The following ME3 variants were observed in gnomAD, a reference collection of about 807,000 sequenced individuals.
ME3 encodes the protein malic enzyme 3, also known as NADP-dependent malic enzyme, mitochondrial.
ME3 carries 48 observed loss-of-function variants against 68.9 expected under a neutral mutation model. The observed-to-expected ratio is 0.70, with a 90% CI of 0.55 to 0.89. The LOEUF (loss-of-function observed/expected upper bound fraction) is 0.89. Ranked by LOEUF, ME3 falls within the 40% of genes least tolerant of loss-of-function variation. The probability of loss-of-function intolerance (pLI) is 0.00; values close to 1 mark genes in which losing one functional copy is unlikely to be tolerated. For synonymous variants in ME3, 320 were observed against 318.8 expected, an observed-to-expected ratio of 1.00 and a Z score of -0.04; for missense variants, 675 against 797.4, an observed-to-expected ratio of 0.85 and a Z score of 1.85.
At chr11:86,471,132 G>A (rs1171225833) in intron 7 of ME3, among the ~76,000 whole-genome samples, 2 of 144,514 alleles carry the variant, frequency 1.4e-5, no homozygotes, top group African/African-American at 5.3e-5. Flanking sequence ...TAAACTGTAA[G>A]GCCCAGAGCT....
chr11:86,448,543 C>A (rs1302035471), intron 10 of ME3, among the ~76,000 whole-genome samples: 2 of 152,116 alleles, frequency 1.3e-5, no homozygotes, highest in South Asian at 4.1e-4. Context: ...GCTTCCTGGG[C>A]CAGGACAGAA....
chr11:86,593,692 C>A (rs1336900891), intron 2 of ME3, among the ~76,000 whole-genome samples: 1 of 146,516 alleles, frequency 6.8e-6, no homozygotes, highest in Admixed American at 7.3e-5. Context: ...TTCTTCCTAT[C>A]TTTTTTCTAT....
At chr11:86,655,379 G>C (rs1207292331) in intron 2 of ME3, among the ~76,000 whole-genome samples, 1 of 152,152 alleles carries the variant, frequency 6.6e-6, no homozygotes, top group Admixed American at 6.5e-5. Context: ...AAAACAGCAT[G>C]GTACTGGTAC....
intron 4 of ME3, among the ~76,000 whole-genome samples, chr11:86,515,037 G>C (rs902740388): frequency 2.0e-5 from 3 of 152,196 alleles, no homozygotes; most frequent in Non-Finnish European, 4.4e-5. Flanking sequence ...ATGATGAATA[G>C]TTATGTGTGT....
chr11:86,517,312 T>C (rs1306580363), intron 4 of ME3, among the ~76,000 whole-genome samples: 1 of 152,156 alleles, frequency 6.6e-6, no homozygotes, highest in Non-Finnish European at 1.5e-5. Context: ...GAGTTCCAGA[T>C]AAGACTACTT....
chr11:86,473,977 C>G (rs1950920628), intron 7 of ME3, among the ~76,000 whole-genome samples: 1 of 152,166 alleles, frequency 6.6e-6, no homozygotes, highest in South Asian at 2.1e-4. Context: ...GATTCCAGTG[C>G]CATATAAGGC....
rs185640628 is a variant in ME3 at position 86,562,832 on chromosome 11, C to G, written c.184-3009G>C. Among the ~76,000 whole-genome samples the G allele has an allele frequency of 2.6e-4, 39 of 151,876 alleles. No individual in the cohort carries two copies. The East Asian group carries it at 6.2e-3, about 24-fold the overall frequency. ...ACCTCCAGTATCCTCCTTCCTCCCC[C>G]ATCTAGTAGTCTGCAGTGTCTATTG... On this transcript the variant is annotated intron_variant, in intron 2 of 14. Transcript: ENST00000543262.
At chr11:86,662,596 G>A (rs114694034) in intron 2 of ME3, among the ~76,000 whole-genome samples, 2 of 151,854 alleles carry the variant, frequency 1.3e-5, no homozygotes, top group Non-Finnish European at 2.9e-5. Flanking sequence ...GACCCTGTCT[G>A]TAAAAAAATA....
intron 4 of ME3, among the ~76,000 whole-genome samples, chr11:86,526,497 G>C (rs914856441): frequency 6.6e-6 from 1 of 152,224 alleles, no homozygotes; most frequent in African/African-American, 2.4e-5. Context: ...AAATGTCTCT[G>C]TCTGACAGCG....
chr11:86,637,774 G>T (rs1313612930), intron 2 of ME3, among the ~76,000 whole-genome samples: 3 of 152,118 alleles, frequency 2.0e-5, no homozygotes, highest in Non-Finnish European at 4.4e-5. Flanking sequence ...AAGTTGAACT[G>T]GGAGTAGGAG....
chr11:86,519,674 C>T (rs1954129452), intron 4 of ME3, among the ~76,000 whole-genome samples: 2 of 152,044 alleles, frequency 1.3e-5, no homozygotes, highest in Non-Finnish European at 2.9e-5. Flanking sequence ...GGAAGGGAAC[C>T]TGTCCTCTGA....
At chr11:86,658,465 T>C in intron 2 of ME3, among the ~76,000 whole-genome samples, 1 of 151,946 alleles carries the variant, frequency 6.6e-6, no homozygotes, top group East Asian at 1.9e-4. Flanking sequence ...GTAACACACC[T>C]GTAAGAGTAA....
chr11:86,469,520 G>A (rs539995275), intron 7 of ME3, among the ~76,000 whole-genome samples: 9 of 152,272 alleles, frequency 5.9e-5, no homozygotes, highest in East Asian at 5.8e-4. Context: ...GCAGCTTCCC[G>A]ATTCTAGTGC....
chr11:86,532,867 C>T (rs929855711), intron 4 of ME3, among the ~76,000 whole-genome samples: 4 of 152,182 alleles, frequency 2.6e-5, no homozygotes, highest in African/African-American at 7.2e-5. Context: ...CCAGACCAGC[C>T]TGGCCAACAT....
At chr11:86,444,109 AG>A (rs1467366695) in intron 13 of ME3, among the ~76,000 whole-genome samples, 7 of 152,186 alleles carry the variant, frequency 4.6e-5, no homozygotes, top group African/African-American at 1.7e-4. Flanking sequence ...GTGCAATGAG[AG>A]GGGACATACA....
chr11:86,556,749 C>T (rs981694862), intron 3 of ME3, 47 bp from the exon 4 acceptor site: 2 of 1,590,744 alleles, frequency 1.3e-6, no homozygotes, highest in Admixed American at 3.4e-5. Context: ...TAGCAGCAGG[C>T]CCTGATGCCT....
chr11:86,470,802 T>A (rs890166723), intron 7 of ME3, among the ~76,000 whole-genome samples: 4 of 152,162 alleles, frequency 2.6e-5, no homozygotes, highest in African/African-American at 9.7e-5. Flanking sequence ...CTACAGTGAC[T>A]GATTTCACCT....
intron 2 of ME3, among the ~76,000 whole-genome samples, chr11:86,602,685 C>T (rs1960912654): frequency 6.6e-6 from 1 of 152,156 alleles, no homozygotes; most frequent in African/African-American, 2.4e-5. Context: ...GGAGGCATCA[C>T]ACTACCTGAC....
chr11:86,660,414 C>T (rs1271787807), intron 2 of ME3, among the ~76,000 whole-genome samples: 1 of 152,228 alleles, frequency 6.6e-6, no homozygotes, highest in East Asian at 1.9e-4. Context: ...TGGACACTTA[C>T]CATCTGCTTT....
Sources: allele counts gnomAD v4.1 joint callset (sites outside exome capture counted in the v4.1 genomes callset), GRCh38; gene constraint gnomAD v4.1.1; transcripts MANE v1.5; gene names NCBI Gene and HGNC (gene_info 2026-07-23, HGNC 2026-07-21).